Variants in PRKCH observed in about 807,000 individuals in gnomAD.
PRKCH encodes the protein protein kinase C eta, also known as protein kinase C eta type.
Under a neutral mutation model 82.5 loss-of-function variants are expected in PRKCH, and 28 were observed. The observed-to-expected ratio is 0.34, with a 90% confidence interval of 0.25 to 0.47. The LOEUF (loss-of-function observed/expected upper bound fraction) is 0.47, where lower values mean the gene tolerates loss of function less well. Among genes scored for constraint, PRKCH ranks in the 20% least tolerant of loss-of-function variants. The pLI, the probability that PRKCH is intolerant of heterozygous loss-of-function variation, is 1.00. For synonymous variants in PRKCH, 322 were observed against 327.4 expected, an observed-to-expected ratio of 0.98 and a Z score of 0.18; for missense variants, 705 against 881.8, an observed-to-expected ratio of 0.80 and a Z score of 2.54.
chr14:61,319,360 C>T (rs2045589056), upstream of PRKCH, among the ~76,000 whole-genome samples: 1 of 152,134 alleles, frequency 6.6e-6, no homozygotes, highest in Non-Finnish European at 1.5e-5. Flanking sequence ...TCCTTCACTG[C>T]ACCCTCTTCT....
chr14:61,505,395 C>CTTTTCTTTTTTTTTTTTTT (rs762878496), intron 10 of PRKCH, among the ~76,000 whole-genome samples: 1 of 55,764 alleles, frequency 1.8e-5, no homozygotes, highest in Non-Finnish European at 3.2e-5. Context: ...CTTTTCTTTT[C>CTTTTCTTTTTTTTTTTTTT]TTTTTTTTTT....
intron 2 of PRKCH, among the ~76,000 whole-genome samples, chr14:61,397,429 C>T (rs1252930167): frequency 6.6e-6 from 1 of 152,116 alleles, no homozygotes; most frequent in Non-Finnish European, 1.5e-5. Context: ...TGAGATGTAG[C>T]TCCAGGTGCC....
At chr14:61,306,838 G>C (rs2045488750) in intron 1 of PRKCH, 1 of 152,168 alleles carries the variant, frequency 6.6e-6, no homozygotes, top group East Asian at 1.9e-4. Flanking sequence ...TTAGTTTGTT[G>C]AAGTTCCTTT....
chr14:61,311,436 A>G (rs747975012), intron 1 of PRKCH, among the ~76,000 whole-genome samples: 9 of 152,216 alleles, frequency 5.9e-5, no homozygotes, highest in Non-Finnish European at 1.0e-4. Context: ...CCTGGGCTTC[A>G]TTGTCCATAT....
intron 1 of PRKCH, among the ~76,000 whole-genome samples, chr14:61,223,022 C>T (rs1242787468): frequency 1.3e-5 from 2 of 152,152 alleles, no homozygotes; most frequent in African/African-American, 4.8e-5. Flanking sequence ...TATTCACTCT[C>T]ACTCTAATTT....
intron 1 of PRKCH, among the ~76,000 whole-genome samples, chr14:61,246,245 GAAAAAAA>G (rs59852160): frequency 4.0e-4 from 51 of 125,982 alleles, no homozygotes; most frequent in Middle Eastern, 4.2e-3. Flanking sequence ...ATCTCTACTG[GAAAAAAA>G]AAAAAAAAAG....
At chr14:61,368,327 A>T (rs2046324010) in intron 1 of PRKCH, among the ~76,000 whole-genome samples, 1 of 151,850 alleles carries the variant, frequency 6.6e-6, no homozygotes, top group Admixed American at 6.5e-5. Context: ...TGGGAAAAAA[A>T]AAAAAGAGAA....
chr14:61,427,362 A>G (rs1157952780), intron 2 of PRKCH, among the ~76,000 whole-genome samples: 1 of 152,156 alleles, frequency 6.6e-6, no homozygotes. Context: ...CCTTAGAGAC[A>G]ATAGATGGCA....
At chr14:61,361,845 G>A (rs893914642) in intron 1 of PRKCH, among the ~76,000 whole-genome samples, 2 of 152,130 alleles carry the variant, frequency 1.3e-5, no homozygotes, top group Admixed American at 6.5e-5. Flanking sequence ...TCTTATTTAT[G>A]ATTACATTTG....
chr14:61,413,451 G>A (rs1264385698), intron 2 of PRKCH, among the ~76,000 whole-genome samples: 3 of 121,874 alleles, frequency 2.5e-5, no homozygotes, highest in Non-Finnish European at 4.7e-5. Context: ...TTCTAAGCAA[G>A]TGGCTTAGAT....
chr14:61,431,185 T>A (rs1483703116), intron 2 of PRKCH, among the ~76,000 whole-genome samples: 1 of 144,834 alleles, frequency 6.9e-6, no homozygotes, highest in Non-Finnish European at 1.5e-5. Flanking sequence ...AAGGGAAAAA[T>A]GCCTCAAATG....
chr14:61,391,171 C>G, intron 1 of PRKCH, 54 bp from the exon 2 acceptor site: 1 of 1,485,952 alleles, frequency 6.7e-7, no homozygotes, highest in Non-Finnish European at 9.2e-7. Context: ...GTTTAAGGCC[C>G]ACAAAAATAT....
chr14:61,538,554 G>A (rs367970816), intron 12 of PRKCH, among the ~76,000 whole-genome samples: 1 of 152,156 alleles, frequency 6.6e-6, no homozygotes, highest in African/African-American at 2.4e-5. Flanking sequence ...TTTTTAAAAT[G>A]TATTTTTAAT....
intron 1 of PRKCH, among the ~76,000 whole-genome samples, chr14:61,340,991 CA>C (rs1228644005): frequency 6.6e-6 from 1 of 152,242 alleles, no homozygotes; most frequent in African/African-American, 2.4e-5. Context: ...TTGTATCATA[CA>C]TATGGATTAT....
intron 1 of PRKCH, among the ~76,000 whole-genome samples, chr14:61,359,922 A>G (rs2046200839): frequency 6.6e-6 from 1 of 152,252 alleles, no homozygotes; most frequent in South Asian, 2.1e-4. Flanking sequence ...TTTAGGATGT[A>G]GAAGTCCTGA....
At chr14:61,427,700 C>A (rs1883180802) in intron 2 of PRKCH, among the ~76,000 whole-genome samples, 1 of 152,108 alleles carries the variant, frequency 6.6e-6, no homozygotes, top group Non-Finnish European at 1.5e-5. Context: ...AATCCTTCTG[C>A]CTCAGCTGCC....
intron 10 of PRKCH, among the ~76,000 whole-genome samples, chr14:61,511,445 C>T (rs1302715040): frequency 1.3e-5 from 2 of 152,170 alleles, no homozygotes; most frequent in Admixed American, 6.5e-5. Flanking sequence ...ATTGGGGCAG[C>T]CCCCCACCCA....
In PRKCH at chr14:61,430,143, T is replaced by TA. The variant is rs534952144; in HGVS notation, c.428-12961dup. Among the ~76,000 whole-genome samples the TA allele has an allele frequency of 2.9e-3, 441 of 152,230 alleles. 3 individuals carry two copies. Among genetic ancestry groups the TA allele is most frequent in the African/African-American group, 9.9e-3 (411 of 41,534 alleles). On this transcript the variant is annotated intron_variant, in intron 2 of 13. Transcript: ENST00000332981. Reference sequence around the variant, plus strand: ...AATGAAAAGACAAACAGCCCAATTTTAAAAAAATGAGCAAAAGATTTGAAC... The same window carrying TA: ...AATGAAAAGACAAACAGCCCAATTTTAAAAAAAATGAGCAAAAGATTTGAAC...
intron 9 of PRKCH, among the ~76,000 whole-genome samples, chr14:61,472,292 C>T (rs1431932624): frequency 6.6e-6 from 1 of 152,182 alleles, no homozygotes; most frequent in African/African-American, 2.4e-5. Flanking sequence ...TGCAGCTTGT[C>T]TTGTTTTAGC....
Sources: allele counts gnomAD v4.1 joint callset (sites outside exome capture counted in the v4.1 genomes callset), GRCh38; gene constraint gnomAD v4.1.1; transcripts MANE v1.5; gene names NCBI Gene and HGNC (gene_info 2026-07-23, HGNC 2026-07-21).